SPINK9: variants seen among roughly 807,000 people sequenced by gnomAD.
SPINK9 encodes the protein serine peptidase inhibitor Kazal type 9, also known as serine protease inhibitor Kazal-type 9.
In SPINK9, 3 loss-of-function variants were observed where a neutral mutation model predicts 10.8. The observed-to-expected ratio is 0.28, with a 90% CI of 0.13 to 0.72. The LOEUF is 0.72. Ranked by LOEUF, SPINK9 falls within the 30% of genes least tolerant of loss-of-function variation. The pLI is 0.74. For missense variants in SPINK9, 101 were observed against 103.2 expected, an observed-to-expected ratio of 0.98 and a Z score of 0.09; for synonymous variants, 30 against 31.2, an observed-to-expected ratio of 0.96 and a Z score of 0.12.
intron 2 of SPINK9, among the ~76,000 whole-genome samples, chr5:148,326,849 T>A (rs1757068436): frequency 6.6e-6 from 1 of 152,126 alleles, no homozygotes; most frequent in Admixed American, 6.5e-5. Context: ...GAACTCATCA[T>A]TTTTTATGGC....
chr5:148,335,072 C>T (rs1039033321), upstream of SPINK9, among the ~76,000 whole-genome samples: 1 of 152,106 alleles, frequency 6.6e-6, no homozygotes, highest in African/African-American at 2.4e-5. Context: ...CTAATACTTC[C>T]ATTAGTAGTA....
At chr5:148,329,306 G>A (rs1757114282) in intron 2 of SPINK9, among the ~76,000 whole-genome samples, 1 of 152,178 alleles carries the variant, frequency 6.6e-6, no homozygotes, top group African/African-American at 2.4e-5. Flanking sequence ...GGTGTTTATA[G>A]TATTCTCTGA....
rs766763715 is a variant in SPINK9 at position 148,338,555 on chromosome 5, A to C, written c.165A>C (p.Gly55=). Residue 55 remains glycine, a synonymous_variant, in exon 3 of 4, where the codon GGA becomes GGC. Coordinates refer to ENST00000377906, the MANE Select transcript of SPINK9 (RefSeq NM_001040433.2). The part of the protein sequence containing the change: ...FCHHMYDPIC[G]SDGKTYKNDC... The stretch of plus-strand genomic sequence containing the variant: ...ATCATATGTATGATCCAATTTGTGG[A>C]TCTGATGGCAAAACTTATAAAAATG... 6.2e-7 allele frequency: 1 copy of C among 1,605,942 alleles called. No individual in the cohort carries two copies. The highest frequency in any genetic ancestry group is 8.5e-7 in the Non-Finnish European group (1 of 1,174,066).
chr5:148,330,168 G>T (rs1757128493), intron 2 of SPINK9, among the ~76,000 whole-genome samples: 1 of 152,176 alleles, frequency 6.6e-6, no homozygotes. Context: ...CTAAGGACTT[G>T]CTTTATGAAT....
At chr5:148,322,328 C>A (rs1581182581) in intron 1 of SPINK9, among the ~76,000 whole-genome samples, 1 of 152,124 alleles carries the variant, frequency 6.6e-6, no homozygotes, top group South Asian at 2.1e-4. Flanking sequence ...TCAATCCCTG[C>A]CAACTGTACA....
upstream of SPINK9, among the ~76,000 whole-genome samples, chr5:148,332,692 C>T (rs1483520284): frequency 6.6e-6 from 1 of 152,132 alleles, no homozygotes; most frequent in Non-Finnish European, 1.5e-5. Flanking sequence ...TCAGAAAATA[C>T]CATGGACTAT....
chr5:148,338,573 T>C lies in SPINK9; in HGVS notation c.183T>C (p.Tyr61=), dbSNP rs147240926. ...TTTGTGGATCTGATGGCAAAACTTA[T>C]AAAAATGATTGCTTCTTCTGTTCTA... ...DPICGSDGKT[Y]KNDCFFCSKV... is the part of the protein sequence containing the mutation. Residue 61 remains tyrosine, a synonymous_variant, in exon 3 of 4, where the codon TAT becomes TAC. Transcript: ENST00000377906. The C allele has an allele frequency of 6.9e-6, 11 of 1,596,960 alleles. No individual in the cohort carries two copies. The African/African-American group carries it at 8.1e-5, about 12-fold the overall frequency.
upstream of SPINK9, among the ~76,000 whole-genome samples, chr5:148,335,325 C>A (rs904403962): frequency 2.6e-5 from 4 of 152,124 alleles, no homozygotes; most frequent in Non-Finnish European, 5.9e-5. Flanking sequence ...TGATTATGTA[C>A]GTAATTGTAG....
intron 2 of SPINK9, among the ~76,000 whole-genome samples, chr5:148,329,430 A>G (rs1409155548): frequency 6.6e-6 from 1 of 151,808 alleles, no homozygotes; most frequent in Non-Finnish European, 1.5e-5. Flanking sequence ...CCGTCTATCA[A>G]TTTTGTTGAT....
In SPINK9 at chr5:148,324,426, G is replaced by A. The variant is rs376152042; in HGVS notation, c.118+558G>A. 1.2e-4 allele frequency among the ~76,000 whole-genome samples: 18 copies of A among 152,118 alleles called. 1 individual carries two copies. The East Asian group carries it at 2.9e-3, about 24-fold the overall frequency. On this transcript the variant is annotated intron_variant, in intron 2 of 4. Coordinates refer to the SPINK9 transcript ENST00000511717. The stretch of plus-strand genomic sequence containing the variant: ...ATAGTAGAAAAATCATTCAGACACT[G>A]CCCTTACTCAAGTGATCAAAGTTGA...
intron 1 of SPINK9, among the ~76,000 whole-genome samples, chr5:148,321,665 G>A (rs1293112415): frequency 6.6e-6 from 1 of 152,052 alleles, no homozygotes; most frequent in Non-Finnish European, 1.5e-5. Context: ...GGGAAAATAA[G>A]TTATAACTAA....
intron 2 of SPINK9, among the ~76,000 whole-genome samples, chr5:148,328,297 G>C (rs2113413995): frequency 6.6e-6 from 1 of 152,126 alleles, no homozygotes; most frequent in East Asian, 1.9e-4. Flanking sequence ...TCATGATTTG[G>C]CTCTCTGTTT....
At position 148,323,944 on chromosome 5, in the gene SPINK9, C is replaced by T. The variant is rs896702857; in HGVS notation, c.118+76C>T. 17 of 646,086 alleles carry T rather than the reference C, an allele frequency of 2.6e-5. No homozygotes were observed. In the African/African-American group the frequency reaches 2.9e-4, roughly 11 times the overall value. The allele number at this position is 646,086 out of a possible 1,614,324, so 40.0% of individuals were successfully genotyped here. A position where few individuals can be genotyped will look rare whatever the true frequency, so the allele number is the denominator to read the frequency against. On this transcript the variant is annotated intron_variant, in intron 2 of 4. Transcript: ENST00000511717. ...TTACTTATAAAATAAAGAGAATAAT[C>T]ACCCCTAATTAGACATGTATATTGT... is the stretch of plus-strand genomic sequence containing the variant.
chr5:148,325,810 G>T (rs1370638762), intron 2 of SPINK9, among the ~76,000 whole-genome samples: 1 of 151,898 alleles, frequency 6.6e-6, no homozygotes, highest in Non-Finnish European at 1.5e-5. Context: ...CTATTCAAAG[G>T]TTACTAAGAT....
chr5:148,326,480 A>G (rs1757060529), intron 2 of SPINK9, among the ~76,000 whole-genome samples: 1 of 152,170 alleles, frequency 6.6e-6, no homozygotes, highest in Non-Finnish European at 1.5e-5. Context: ...GCCAAGATAT[A>G]GAAATAACCA....
At chr5:148,326,071 A>T (rs1173354735) in intron 2 of SPINK9, among the ~76,000 whole-genome samples, 2 of 152,218 alleles carry the variant, frequency 1.3e-5, no homozygotes, top group Non-Finnish European at 2.9e-5. Flanking sequence ...AAAAACTATT[A>T]AAATTGGGAC....
At chr5:148,333,664 A>T (rs1396930336), upstream of SPINK9, among the ~76,000 whole-genome samples, 2 of 152,170 alleles carry the variant, frequency 1.3e-5, no homozygotes, top group East Asian at 1.9e-4. Flanking sequence ...GGCATGTCTT[A>T]TGGAGAAGTC....
At chr5:148,322,133 C>T (rs535221813) in intron 1 of SPINK9, among the ~76,000 whole-genome samples, 2 of 152,268 alleles carry the variant, frequency 1.3e-5, no homozygotes, top group South Asian at 4.2e-4. Context: ...TGACTTTATA[C>T]CCCATATGTT....
chr5:148,328,480 G>T (rs915581876), intron 2 of SPINK9, among the ~76,000 whole-genome samples: 13 of 152,100 alleles, frequency 8.5e-5, no homozygotes, highest in South Asian at 2.1e-4. Context: ...TTTTCCTAAT[G>T]GAATGCCCTT....
Sources: gnomAD v4.1 joint callset for allele counts (sites outside exome capture counted in the v4.1 genomes callset) on GRCh38, gnomAD v4.1.1 for gene constraint, MANE v1.5 for transcripts, NCBI Gene and HGNC (gene_info 2026-07-23, HGNC 2026-07-21) for gene names.